Variants in NXPH1 observed in about 807,000 individuals in gnomAD.
NXPH1 encodes neurexophilin-1.
A neutral mutation model predicts 23.7 loss-of-function variants in NXPH1; 5 were observed. That is an observed-to-expected ratio of 0.21 (90% CI 0.11 to 0.44). NXPH1 has a LOEUF of 0.44. Ranked by LOEUF, NXPH1 falls within the 20% of genes least tolerant of loss-of-function variation. NXPH1 has a pLI of 0.99. For synonymous variants in NXPH1, 144 were observed against 122.2 expected, an observed-to-expected ratio of 1.18 and a Z score of -1.18; for missense variants, 324 against 321.6, an observed-to-expected ratio of 1.01 and a Z score of -0.06.
chr7:8,621,340 G>T (rs116247499), intron 2 of NXPH1, among the ~76,000 whole-genome samples: 71 of 152,280 alleles, frequency 4.7e-4, no homozygotes, highest in African/African-American at 1.5e-3. Context: ...TTTGAGGAAG[G>T]TAGTGACTCA....
At chr7:8,695,273 A>C (rs1821289985) in intron 2 of NXPH1, among the ~76,000 whole-genome samples, 2 of 152,142 alleles carry the variant, frequency 1.3e-5, no homozygotes, top group Non-Finnish European at 2.9e-5. Flanking sequence ...CCTTCTTAAG[A>C]GTTAGGGTTA....
At chr7:8,684,103 TAAG>T (rs1000957118) in intron 2 of NXPH1, among the ~76,000 whole-genome samples, 1 of 152,062 alleles carries the variant, frequency 6.6e-6, no homozygotes, top group African/African-American at 2.4e-5. Context: ...GTATAGGACA[TAAG>T]AAGAAAATCC....
chr7:8,503,848 G>A (rs1213646944), intron 2 of NXPH1, among the ~76,000 whole-genome samples: 1 of 151,876 alleles, frequency 6.6e-6, no homozygotes, highest in African/African-American at 2.4e-5. Flanking sequence ...AGCTGCCCTG[G>A]TCACATCACC....
intron 2 of NXPH1, among the ~76,000 whole-genome samples, chr7:8,587,582 C>T (rs1819004619): frequency 1.3e-5 from 2 of 152,086 alleles, no homozygotes; most frequent in Non-Finnish European, 2.9e-5. Flanking sequence ...GTTTGTTGCA[C>T]CCATCAATCC....
intron 2 of NXPH1, among the ~76,000 whole-genome samples, chr7:8,575,498 G>T (rs1201928945): frequency 2.0e-5 from 3 of 152,150 alleles, no homozygotes; most frequent in East Asian, 3.9e-4. Context: ...TCTTTTAAAA[G>T]AGTTGAAGTA....
chr7:8,714,851 C>A (rs139757568), intron 2 of NXPH1, among the ~76,000 whole-genome samples: 1 of 152,174 alleles, frequency 6.6e-6, no homozygotes, highest in East Asian at 1.9e-4. Context: ...TCCCTCCCCT[C>A]TCCTAAAGTA....
chr7:8,542,000 A>G (rs1301591404), intron 2 of NXPH1, among the ~76,000 whole-genome samples: 1 of 151,582 alleles, frequency 6.6e-6, no homozygotes, highest in Non-Finnish European at 1.5e-5. Context: ...AAACCTAACC[A>G]TATCATGAAT....
chr7:8,608,203 A>G (rs1276929862), intron 2 of NXPH1, among the ~76,000 whole-genome samples: 4 of 152,216 alleles, frequency 2.6e-5, no homozygotes. Context: ...TCTTACTTGA[A>G]TTATTAACCA....
rs1035910191 is a variant in NXPH1, at chr7:8,643,756, G to T, written c.55-107252G>T. Among the ~76,000 whole-genome samples the T allele has an allele frequency of 3.9e-5, 6 of 151,924 alleles. No homozygotes were observed. In the South Asian group the frequency reaches 1.0e-3, roughly 26 times the overall value. The stretch of plus-strand genomic sequence containing the variant: ...ATTACTTTATTACTTTTGCATAGAG[G>T]TTTATTAGAGTACCCTTCTATGATT... On this transcript the variant is annotated intron_variant, in intron 2 of 2. Transcript: ENST00000405863.
intron 2 of NXPH1, among the ~76,000 whole-genome samples, chr7:8,565,430 G>GAAA (rs1401334172): frequency 6.6e-6 from 1 of 151,712 alleles, no homozygotes; most frequent in Non-Finnish European, 1.5e-5. Context: ...TAGATTTGTT[G>GAAA]CTTAAATCTG....
At chr7:8,507,801 A>T (rs986211207) in intron 2 of NXPH1, among the ~76,000 whole-genome samples, 2 of 151,994 alleles carry the variant, frequency 1.3e-5, no homozygotes, top group Non-Finnish European at 2.9e-5. Context: ...TTTCCTCAGC[A>T]CCTCCTGCCT....
chr7:8,739,228 C>T (rs999940638), intron 2 of NXPH1, among the ~76,000 whole-genome samples: 2 of 147,610 alleles, frequency 1.4e-5, no homozygotes, highest in African/African-American at 5.0e-5. Context: ...TCTTTGTCTG[C>T]CCAAATGGCC....
intron 2 of NXPH1, among the ~76,000 whole-genome samples, chr7:8,743,810 A>C (rs1030302911): frequency 2.6e-5 from 4 of 151,504 alleles, no homozygotes; most frequent in African/African-American, 7.3e-5. Flanking sequence ...CAGCCTCCCG[A>C]GTAGCTGGGA....
intron 2 of NXPH1, among the ~76,000 whole-genome samples, chr7:8,543,771 G>C (rs893742091): frequency 7.9e-5 from 12 of 151,578 alleles, no homozygotes; most frequent in Admixed American, 1.3e-4. Context: ...ACCTATTGAC[G>C]TAGTACAGTT....
chr7:8,669,688 G>T (rs1820836483), intron 2 of NXPH1, among the ~76,000 whole-genome samples: 1 of 152,122 alleles, frequency 6.6e-6, no homozygotes, highest in Admixed American at 6.5e-5. Context: ...TGAGCCTGGT[G>T]TTGGAGTCCA....
chr7:8,617,879 A>G (rs146785378), intron 2 of NXPH1, among the ~76,000 whole-genome samples: 466 of 152,220 alleles, frequency 3.1e-3, no homozygotes, highest in African/African-American at 0.011. Context: ...TTCACATTGC[A>G]TGCTTGTGTT....
Position 8,736,314 on chromosome 7 carries a change from T to C in NXPH1, c.55-14694T>C, listed in dbSNP as rs569726744. On this transcript the variant is annotated intron_variant, in intron 2 of 2. Coordinates refer to ENST00000405863, the MANE Select transcript of NXPH1 (RefSeq NM_152745.3). ...CACTGCTTTAGCTGTATCCCAGAGA[T>C]TCTAGTATGTTGTGTCTTTGTTCTC... 3.3e-5 allele frequency among the ~76,000 whole-genome samples: 5 copies of C among 152,316 alleles called. No individual in the cohort carries two copies. In the South Asian group the frequency reaches 6.2e-4, roughly 19 times the overall value.
chr7:8,634,439 T>C (rs2115136925), intron 2 of NXPH1, among the ~76,000 whole-genome samples: 1 of 152,304 alleles, frequency 6.6e-6, no homozygotes, highest in African/African-American at 2.4e-5. Flanking sequence ...AGTCTTTTAC[T>C]TTGTAAATTA....
intron 2 of NXPH1, among the ~76,000 whole-genome samples, chr7:8,624,082 T>G (rs1819938233): frequency 6.6e-6 from 1 of 152,098 alleles, no homozygotes; most frequent in South Asian, 2.1e-4. Flanking sequence ...ACTTGGAGCC[T>G]AAAGGAGAAG....
Sources: allele counts gnomAD v4.1 joint callset (sites outside exome capture counted in the v4.1 genomes callset), GRCh38; gene constraint gnomAD v4.1.1; transcripts MANE v1.5; gene names NCBI Gene and HGNC (gene_info 2026-07-23, HGNC 2026-07-21).